CAMTA1: variants seen among roughly 807,000 people sequenced by gnomAD.
CAMTA1 encodes the protein calmodulin binding transcription activator 1.
In CAMTA1, 27 loss-of-function variants were observed where a neutral mutation model predicts 170.9. That is an observed-to-expected ratio of 0.16 (90% CI 0.12 to 0.22). The LOEUF (loss-of-function observed/expected upper bound fraction) is 0.22. CAMTA1 is among the 10% of genes least tolerant of loss of function. The pLI is 1.00. For synonymous variants in CAMTA1, 833 were observed against 891.5 expected (o/e 0.93, Z 1.17); for missense variants, 1,619 against 2,217.2 (o/e 0.73, Z 5.42).
At chr1:7,091,622 C>T (rs1433738695) in intron 4 of CAMTA1, among the ~76,000 whole-genome samples, 5 of 152,180 alleles carry the variant, frequency 3.3e-5, no homozygotes, top group East Asian at 3.8e-4. Flanking sequence ...ATCCTTCAGC[C>T]GGGTGCTTGG....
Position 7,766,569 on chromosome 1 carries a change from C to A in CAMTA1, c.*78C>A. On this transcript the variant is annotated 3_prime_UTR_variant, in exon 23 of 23. Coordinates refer to ENST00000303635, the MANE Select transcript of CAMTA1 (RefSeq NM_015215.4). ...CATTTCTGTTTTTAGCAGAGACATG[C>A]AACAACAACACACACGCACACACGC... 7.8e-7 allele frequency: 1 copy of A among 1,285,312 alleles called. No homozygotes were observed. Among genetic ancestry groups the A allele is most frequent in the Non-Finnish European group, 1.1e-6 (1 of 881,870 alleles). The allele number at this position is 1,285,312 out of a possible 1,614,324, so 79.6% of individuals were successfully genotyped here.
At chr1:7,178,377 G>T (rs527771363) in intron 4 of CAMTA1, among the ~76,000 whole-genome samples, 2 of 152,304 alleles carry the variant, frequency 1.3e-5, no homozygotes, top group African/African-American at 4.8e-5. Context: ...CCTACCAAAT[G>T]AAGGCTCAGC....
chr1:6,847,947 G>A (rs1428083771), intron 3 of CAMTA1, among the ~76,000 whole-genome samples: 1 of 149,566 alleles, frequency 6.7e-6, no homozygotes, highest in Non-Finnish European at 1.5e-5. Flanking sequence ...TCCTGACCTC[G>A]TAATCTGCCT....
intron 3 of CAMTA1, chr1:6,871,954 G>T (rs1668519050): frequency 7.8e-7 from 1 of 1,282,236 alleles, no homozygotes; most frequent in East Asian, 3.1e-5. Flanking sequence ...ATACCCCTTT[G>T]AGTGATAAAT....
chr1:6,997,076 C>T (rs567074224), intron 3 of CAMTA1, among the ~76,000 whole-genome samples: 5 of 152,266 alleles, frequency 3.3e-5, no homozygotes, highest in African/African-American at 4.8e-5. Context: ...TACAGTCTTA[C>T]GTGTGGTTCC....
chr1:7,498,924 AGTGT>A (rs56174723), intron 6 of CAMTA1, among the ~76,000 whole-genome samples: 6 of 126,758 alleles, frequency 4.7e-5, no homozygotes, highest in Non-Finnish European at 6.6e-5. Flanking sequence ...TATGTATATG[AGTGT>A]GTGTGTGCAT....
intron 3 of CAMTA1, among the ~76,000 whole-genome samples, chr1:6,916,711 C>T (rs1009648702): frequency 1.3e-5 from 2 of 152,198 alleles, no homozygotes; most frequent in African/African-American, 4.8e-5. Flanking sequence ...GGTCCTGGGC[C>T]TCCAGGAGTT....
chr1:7,685,900 C>T lies in CAMTA1; in HGVS notation c.2914+8167C>T, dbSNP rs2149354966. Among the ~76,000 whole-genome samples the T allele has an allele frequency of 6.6e-6, 1 of 152,280 alleles. No individual in the cohort carries two copies. The highest frequency in any genetic ancestry group is 2.1e-4 in the South Asian group (1 of 4,826). On this transcript the variant is annotated intron_variant, in intron 11 of 22. Transcript: ENST00000303635. The surrounding 1 kb of genome is among the most constrained non-coding windows in gnomAD (Gnocchi z 5.7). ...AACATTCCTGACCCCTGTGGATAAT[C>T]CCACCCAAAAACCCAGGAGTCACCC...
chr1:7,098,004 C>T (rs147298195), intron 4 of CAMTA1, among the ~76,000 whole-genome samples: 54 of 152,168 alleles, frequency 3.5e-4, no homozygotes, highest in African/African-American at 1.3e-3. Flanking sequence ...TTTATGTTAC[C>T]TATATTTTAC....
At chr1:6,928,244 G>A (rs890241199) in intron 3 of CAMTA1, among the ~76,000 whole-genome samples, 25 of 152,322 alleles carry the variant, frequency 1.6e-4, no homozygotes, top group Admixed American at 1.5e-3. Context: ...CAGTCTTGCC[G>A]TTCAGAGCAG....
intron 3 of CAMTA1, among the ~76,000 whole-genome samples, chr1:7,057,712 G>A (rs1294618724): frequency 6.6e-6 from 1 of 152,190 alleles, no homozygotes; most frequent in African/African-American, 2.4e-5. Context: ...AGTTAGTCCT[G>A]ACAACATCTG....
chr1:7,761,929 T>C (rs2096979626), intron 22 of CAMTA1, among the ~76,000 whole-genome samples: 1 of 152,106 alleles, frequency 6.6e-6, no homozygotes, highest in South Asian at 2.1e-4. Context: ...GGCAGGAGAA[T>C]TGCTTGAGGC....
At chr1:6,968,891 G>C (rs1435388073) in intron 3 of CAMTA1, among the ~76,000 whole-genome samples, 2 of 152,162 alleles carry the variant, frequency 1.3e-5, no homozygotes, top group African/African-American at 2.4e-5. Context: ...CGCCAGTGTG[G>C]CTGCAGCATG....
intron 3 of CAMTA1, among the ~76,000 whole-genome samples, chr1:7,077,084 T>C (rs930247484): frequency 1.3e-5 from 2 of 152,248 alleles, no homozygotes; most frequent in Non-Finnish European, 2.9e-5. Flanking sequence ...AGTCACACTC[T>C]GTTAGCTACA....
intron 3 of CAMTA1, among the ~76,000 whole-genome samples, chr1:6,878,447 T>C (rs1311928558): frequency 6.6e-6 from 1 of 152,156 alleles, no homozygotes; most frequent in East Asian, 1.9e-4. Context: ...AGTATTAAAT[T>C]AGAGGGCTAT....
chr1:6,919,364 G>T (rs1681501765), intron 3 of CAMTA1, among the ~76,000 whole-genome samples: 1 of 152,232 alleles, frequency 6.6e-6, no homozygotes, highest in Non-Finnish European at 1.5e-5. Context: ...TGGTGGATGG[G>T]CATGTGGGGC....
chr1:6,943,200 C>G (rs1686967216), intron 3 of CAMTA1, among the ~76,000 whole-genome samples: 1 of 151,974 alleles, frequency 6.6e-6, no homozygotes, highest in Non-Finnish European at 1.5e-5. Flanking sequence ...CCTTCCTCCC[C>G]TCTTCTCCTC....
At chr1:7,175,478 C>T (rs1157768925) in intron 4 of CAMTA1, among the ~76,000 whole-genome samples, 2 of 152,216 alleles carry the variant, frequency 1.3e-5, no homozygotes, top group Admixed American at 6.5e-5. Context: ...ACATTCATAC[C>T]TTCAGCAGAA....
chr1:7,351,204 G>A (rs145877885), intron 5 of CAMTA1, among the ~76,000 whole-genome samples: 2 of 152,232 alleles, frequency 1.3e-5, no homozygotes, highest in East Asian at 1.9e-4. Context: ...ATGGCCTCAC[G>A]CTTTTCCCAG....
Sources: gnomAD v4.1 joint callset for allele counts (sites outside exome capture counted in the v4.1 genomes callset) on GRCh38, gnomAD v4.1.1 for gene constraint, Gnocchi (gnomAD v3.1) non-coding constraint, MANE v1.5 for transcripts, NCBI Gene and HGNC (gene_info 2026-07-23, HGNC 2026-07-21) for gene names.